Variants in EBF1 observed in about 807,000 individuals in gnomAD.
EBF1 encodes transcription factor COE1.
In EBF1, 10 loss-of-function variants were observed where a neutral mutation model predicts 68.4. The ratio of observed to expected loss-of-function variants is 0.15; its 90% CI spans 0.09 to 0.25. EBF1 has a LOEUF of 0.25. EBF1 is among the 10% of genes least tolerant of loss of function. The pLI is 1.00. For missense variants in EBF1, 509 were observed against 794.4 expected, an observed-to-expected ratio of 0.64 and a Z score of 4.32; for synonymous variants, 298 against 299.8, an observed-to-expected ratio of 0.99 and a Z score of 0.06.
intron 6 of EBF1, among the ~76,000 whole-genome samples, chr5:158,892,595 T>C (rs1264469070): frequency 6.6e-6 from 1 of 152,218 alleles, no homozygotes; most frequent in African/African-American, 2.4e-5. Context: ...CAAAACTTCG[T>C]TTCATGCACA....
At chr5:158,942,968 A>G (rs1813782988) in intron 6 of EBF1, among the ~76,000 whole-genome samples, 3 of 92,676 alleles carry the variant, frequency 3.2e-5, no homozygotes, top group Admixed American at 2.3e-4. Flanking sequence ...AGGGAGGGGG[A>G]AGGAGGGAAG....
At chr5:158,733,037 G>T (rs905263723) in intron 10 of EBF1, among the ~76,000 whole-genome samples, 1 of 152,110 alleles carries the variant, frequency 6.6e-6, no homozygotes, top group Non-Finnish European at 1.5e-5. Flanking sequence ...CCCTTGAGAA[G>T]AATTCTTTTT....
intron 9 of EBF1, among the ~76,000 whole-genome samples, chr5:158,792,825 G>T (rs980502619): frequency 6.6e-6 from 1 of 152,028 alleles, no homozygotes; most frequent in Admixed American, 6.5e-5. Flanking sequence ...CAGTGGTGCC[G>T]ATCACAAACA....
chr5:158,969,900 G>GAAAGA (rs1755153761), intron 6 of EBF1, among the ~76,000 whole-genome samples: 1 of 107,166 alleles, frequency 9.3e-6, no homozygotes, highest in East Asian at 2.7e-4. Context: ...AAGAAAGAAA[G>GAAAGA]AAAGAAAGAA....
At chr5:158,844,611 T>C (rs1451954421) in intron 6 of EBF1, among the ~76,000 whole-genome samples, 1 of 152,178 alleles carries the variant, frequency 6.6e-6, no homozygotes, top group Non-Finnish European at 1.5e-5. Context: ...GTAATGAATA[T>C]CAGAGCTGGA....
At chr5:158,965,871 T>C (rs1269906398) in intron 6 of EBF1, among the ~76,000 whole-genome samples, 1 of 152,234 alleles carries the variant, frequency 6.6e-6, no homozygotes, top group East Asian at 1.9e-4. Flanking sequence ...ATCGGCACTC[T>C]TTTAATGAGC....
chr5:158,979,526 G>T (rs986706035), intron 6 of EBF1, among the ~76,000 whole-genome samples: 1 of 151,912 alleles, frequency 6.6e-6, no homozygotes, highest in Non-Finnish European at 1.5e-5. Context: ...GATTTTTCCC[G>T]GCACTAATGC....
chr5:159,063,742 T>A (rs1477692189), intron 6 of EBF1, among the ~76,000 whole-genome samples: 2 of 152,170 alleles, frequency 1.3e-5, no homozygotes, highest in African/African-American at 4.8e-5. Flanking sequence ...TCAAAGGAAG[T>A]CCCATGGCAA....
chr5:159,040,525 TC>T (rs1220071053), intron 6 of EBF1, among the ~76,000 whole-genome samples: 17 of 152,226 alleles, frequency 1.1e-4, no homozygotes, highest in African/African-American at 4.1e-4. Context: ...ATGTCCACCC[TC>T]AGTGCCCTTG....
chr5:158,848,927 C>G (rs1792068399), intron 6 of EBF1, among the ~76,000 whole-genome samples: 1 of 152,140 alleles, frequency 6.6e-6, no homozygotes, highest in South Asian at 2.1e-4. Flanking sequence ...ACTTATGATT[C>G]AAGACTTCAA....
intron 6 of EBF1, among the ~76,000 whole-genome samples, chr5:158,859,405 G>T (rs1046467230): frequency 1.3e-5 from 2 of 152,096 alleles, no homozygotes; most frequent in African/African-American, 4.8e-5. Context: ...ATTCGGAGTT[G>T]ATATCACTTC....
intron 6 of EBF1, among the ~76,000 whole-genome samples, chr5:159,033,913 T>C (rs1022444809): frequency 2.0e-5 from 3 of 152,140 alleles, no homozygotes; most frequent in African/African-American, 4.8e-5. Context: ...AATTTATGGG[T>C]GTTTAATGTA....
At chr5:159,088,005 A>G (rs572957760) in intron 4 of EBF1, among the ~76,000 whole-genome samples, 1 of 152,276 alleles carries the variant, frequency 6.6e-6, no homozygotes, top group Admixed American at 6.5e-5. Flanking sequence ...GACTTCTGAA[A>G]TAAAAGCAAG....
chr5:159,024,503 G>GA (rs1767330581), intron 6 of EBF1, among the ~76,000 whole-genome samples: 1 of 151,990 alleles, frequency 6.6e-6, no homozygotes, highest in Non-Finnish European at 1.5e-5. Flanking sequence ...ATGCAACAAA[G>GA]AAAAAAATCA....
chr5:158,969,399 T>C (rs546879588), intron 6 of EBF1, among the ~76,000 whole-genome samples: 1 of 152,216 alleles, frequency 6.6e-6, no homozygotes, highest in African/African-American at 2.4e-5. Context: ...TGTGCCTTCC[T>C]GGTCACAGCA....
intron 6 of EBF1, among the ~76,000 whole-genome samples, chr5:158,872,379 T>A (rs920047450): frequency 2.6e-5 from 4 of 152,036 alleles, no homozygotes; most frequent in Non-Finnish European, 5.9e-5. Context: ...GTATTTTTAG[T>A]AGAGACAGGG....
chr5:158,792,264 TAAAG>T (rs1376958139), intron 9 of EBF1, among the ~76,000 whole-genome samples: 2 of 152,010 alleles, frequency 1.3e-5, no homozygotes, highest in Non-Finnish European at 2.9e-5. Context: ...CAAGAAACAA[TAAAG>T]AAAGAGGAAG....
chr5:158,772,353 G>A (rs1774038340), intron 10 of EBF1, among the ~76,000 whole-genome samples: 1 of 152,078 alleles, frequency 6.6e-6, no homozygotes, highest in Non-Finnish European at 1.5e-5. Context: ...TGGAGTTGAA[G>A]CTGATTATAA....
chr5:159,064,121 A>G (rs1776330567), intron 6 of EBF1, among the ~76,000 whole-genome samples: 1 of 152,114 alleles, frequency 6.6e-6, no homozygotes, highest in Admixed American at 6.5e-5. Flanking sequence ...CAATGAGTAC[A>G]ATAAACAGTG....
Sources: gnomAD v4.1 joint callset for allele counts (sites outside exome capture counted in the v4.1 genomes callset) on GRCh38, gnomAD v4.1.1 for gene constraint, MANE v1.5 for transcripts, NCBI Gene and HGNC (gene_info 2026-07-23, HGNC 2026-07-21) for gene names.